ANXA10: variants seen among roughly 807,000 people sequenced by gnomAD.
The protein encoded by ANXA10 is annexin 14.
A neutral mutation model predicts 53.5 loss-of-function variants in ANXA10; 49 were observed. The observed-to-expected ratio is 0.92, with a 90% confidence interval of 0.73 to 1.16. The LOEUF (loss-of-function observed/expected upper bound fraction) is 1.16, where lower values mean the gene tolerates loss of function less well. Ranked by LOEUF, ANXA10 falls within the 50% of genes most tolerant of loss-of-function variation. ANXA10 has a pLI of 0.00. For missense variants in ANXA10, 393 were observed against 394.4 expected (o/e 1.00, Z 0.03); for synonymous variants, 131 against 128.9 (o/e 1.02, Z -0.11).
At chr4:168,175,814 A>C (rs1389193285) in intron 6 of ANXA10, among the ~76,000 whole-genome samples, 1 of 152,228 alleles carries the variant, frequency 6.6e-6, no homozygotes, top group Non-Finnish European at 1.5e-5. Flanking sequence ...AGTTATGATT[A>C]AACATTAAAT....
intron 1 of ANXA10, among the ~76,000 whole-genome samples, chr4:168,106,858 T>C (rs143988291): frequency 0.012 from 1,773 of 152,302 alleles, 18 homozygotes; most frequent in Non-Finnish European, 0.019. Context: ...GATAGATGTA[T>C]GCTTCTTTTT....
intron 2 of ANXA10, among the ~76,000 whole-genome samples, chr4:168,136,635 C>T (rs545780958): frequency 5.9e-5 from 9 of 152,302 alleles, no homozygotes; most frequent in African/African-American, 1.7e-4. Context: ...CAGGAAGCTC[C>T]GCCCCCATGG....
intron 1 of ANXA10, among the ~76,000 whole-genome samples, chr4:168,119,624 T>C (rs114077820): frequency 0.019 from 2,918 of 152,246 alleles, 90 homozygotes; most frequent in African/African-American, 0.066. Context: ...AATATGTATG[T>C]CTTTGGTTAA....
At chr4:168,153,442 C>CAAAAAAAAAAAAAAAAA (rs1560782282) in intron 3 of ANXA10, among the ~76,000 whole-genome samples, 3 of 42,952 alleles carry the variant, frequency 7.0e-5, no homozygotes, top group Non-Finnish European at 1.4e-4. Context: ...AAAAAAAAAA[C>CAAAAAAAAAAAAAAAAA]AAAAACAAAA....
intron 2 of ANXA10, among the ~76,000 whole-genome samples, chr4:168,134,067 G>A (rs1053836101): frequency 4.6e-5 from 7 of 151,928 alleles, no homozygotes; most frequent in African/African-American, 1.7e-4. Context: ...AACTTCTCAG[G>A]ATACAAAGTA....
intron 2 of ANXA10, among the ~76,000 whole-genome samples, chr4:168,132,827 G>T (rs1178863865): frequency 6.6e-6 from 1 of 151,930 alleles, no homozygotes; most frequent in African/African-American, 2.4e-5. Context: ...TTATGTTCTT[G>T]CCTAGGAGGC....
At chr4:168,099,659 T>C (rs151145703) in intron 1 of ANXA10, among the ~76,000 whole-genome samples, 4 of 152,276 alleles carry the variant, frequency 2.6e-5, no homozygotes, top group African/African-American at 9.6e-5. Flanking sequence ...TGTTTCATTC[T>C]AGATATTGTG....
chr4:168,155,460 T>A (rs372724552), intron 3 of ANXA10, among the ~76,000 whole-genome samples: 720 of 18,796 alleles, frequency 0.038, 14 homozygotes, highest in African/African-American at 0.056. Context: ...ATATATTTTA[T>A]AATATATAAT....
chr4:168,132,043 A>T (rs2149470589), intron 2 of ANXA10, among the ~76,000 whole-genome samples: 1 of 152,236 alleles, frequency 6.6e-6, no homozygotes, highest in East Asian at 1.9e-4. Context: ...CGTTAGTACC[A>T]CCACTATGTG....
intron 1 of ANXA10, among the ~76,000 whole-genome samples, chr4:168,120,039 G>A (rs983572829): frequency 3.9e-5 from 6 of 151,956 alleles, no homozygotes; most frequent in Non-Finnish European, 7.4e-5. Context: ...TAGCTTTAAG[G>A]ATGAAATACA....
chr4:168,124,036 T>C (rs1296284639), intron 1 of ANXA10, among the ~76,000 whole-genome samples: 1 of 152,150 alleles, frequency 6.6e-6, no homozygotes, highest in Non-Finnish European at 1.5e-5. Context: ...GAGGAAACCC[T>C]GTTAATAGGA....
intron 3 of ANXA10, among the ~76,000 whole-genome samples, chr4:168,146,059 C>A (rs1403179951): frequency 1.3e-5 from 2 of 152,050 alleles, no homozygotes; most frequent in East Asian, 3.9e-4. Flanking sequence ...CAGGTGCATG[C>A]CACCACGCCC....
chr4:168,175,613 A>G (rs531213556), intron 6 of ANXA10, among the ~76,000 whole-genome samples: 21 of 152,358 alleles, frequency 1.4e-4, no homozygotes, highest in Non-Finnish European at 2.2e-4. Flanking sequence ...GATAACACCC[A>G]TAGTCCTACC....
intron 1 of ANXA10, among the ~76,000 whole-genome samples, chr4:168,120,438 A>G (rs1227014517): frequency 6.6e-6 from 1 of 152,128 alleles, no homozygotes; most frequent in Non-Finnish European, 1.5e-5. Flanking sequence ...TTAAGAAAAT[A>G]TTAACACTTC....
chr4:168,134,849 C>T (rs941607113), intron 2 of ANXA10, among the ~76,000 whole-genome samples: 1 of 152,170 alleles, frequency 6.6e-6, no homozygotes, highest in African/African-American at 2.4e-5. Flanking sequence ...TTCAGTGATA[C>T]AGTCATCTAT....
At chr4:168,152,256 G>A (rs1449814646) in intron 3 of ANXA10, among the ~76,000 whole-genome samples, 2 of 152,150 alleles carry the variant, frequency 1.3e-5, no homozygotes, top group Non-Finnish European at 2.9e-5. Context: ...AAGGCAGAGG[G>A]GGTGGACCCT....
intron 1 of ANXA10, among the ~76,000 whole-genome samples, chr4:168,116,577 A>C (rs762581864): frequency 1.8e-4 from 27 of 152,094 alleles, no homozygotes; most frequent in Non-Finnish European, 3.4e-4. Flanking sequence ...CCCCCCAAAA[A>C]ATAACTAGAA....
intron 1 of ANXA10, among the ~76,000 whole-genome samples, chr4:168,117,459 C>T (rs933793872): frequency 3.9e-5 from 6 of 152,186 alleles, no homozygotes; most frequent in African/African-American, 1.4e-4. Context: ...TCTTATAACA[C>T]TCTTTGCATT....
intron 2 of ANXA10, among the ~76,000 whole-genome samples, chr4:168,134,508 A>C (rs1731203261): frequency 6.6e-6 from 1 of 152,196 alleles, no homozygotes; most frequent in African/African-American, 2.4e-5. Context: ...AATTTCATAA[A>C]TGTGATAATA....
Sources: gnomAD v4.1 joint callset for allele counts (sites outside exome capture counted in the v4.1 genomes callset) on GRCh38, gnomAD v4.1.1 for gene constraint, MANE v1.5 for transcripts, NCBI Gene and HGNC (gene_info 2026-07-23, HGNC 2026-07-21) for gene names.